Variants in NT5DC1 observed in about 807,000 individuals in gnomAD.
NT5DC1 encodes the protein 5'-nucleotidase domain containing 1.
In NT5DC1, 42 loss-of-function variants were observed where a neutral mutation model predicts 59.4. The observed-to-expected ratio is 0.71, with a 90% confidence interval of 0.55 to 0.92. The LOEUF is 0.92. NT5DC1 is among the 40% of genes least tolerant of loss of function. NT5DC1 has a pLI of 0.00. For missense variants in NT5DC1, 501 were observed against 537.1 expected, an observed-to-expected ratio of 0.93 and a Z score of 0.66; for synonymous variants, 172 against 188.1, an observed-to-expected ratio of 0.91 and a Z score of 0.70.
chr6:116,240,694 C>G (rs1771694895), intron 11 of NT5DC1, among the ~76,000 whole-genome samples: 1 of 152,080 alleles, frequency 6.6e-6, no homozygotes, highest in Non-Finnish European at 1.5e-5. Context: ...TAAAAGCAAT[C>G]AAGAGCATAA....
chr6:116,181,142 A>G (rs1376918765), intron 6 of NT5DC1, among the ~76,000 whole-genome samples: 1 of 152,068 alleles, frequency 6.6e-6, no homozygotes, highest in African/African-American at 2.4e-5. Context: ...AAGTCGAGTG[A>G]TGAGTATAGC....
At chr6:116,131,553 T>A (rs1779465926) in intron 6 of NT5DC1, among the ~76,000 whole-genome samples, 1 of 152,214 alleles carries the variant, frequency 6.6e-6, no homozygotes, top group Admixed American at 6.5e-5. Context: ...TGTGTAAAGA[T>A]GGTCTGCATT....
At chr6:116,171,294 A>G (rs1780601307) in intron 6 of NT5DC1, among the ~76,000 whole-genome samples, 1 of 152,346 alleles carries the variant, frequency 6.6e-6, no homozygotes, top group South Asian at 2.1e-4. Context: ...ATAAAATCAA[A>G]TAAATATGTG....
intron 6 of NT5DC1, among the ~76,000 whole-genome samples, chr6:116,181,061 G>T (rs1393824837): frequency 6.6e-6 from 1 of 150,966 alleles, no homozygotes; most frequent in African/African-American, 2.5e-5. Flanking sequence ...ATGGTATCTT[G>T]AATTTACTTT....
At chr6:116,243,856 A>G (rs1445301701) in intron 11 of NT5DC1, 53 bp from the exon 12 acceptor site, 1 of 682,654 alleles carries the variant, frequency 1.5e-6, no homozygotes. Flanking sequence ...TGATTTGTTT[A>G]TGAAAGGCAT....
chr6:116,113,775 A>T (rs377550188), intron 4 of NT5DC1, among the ~76,000 whole-genome samples: 1 of 152,188 alleles, frequency 6.6e-6, no homozygotes, highest in East Asian at 1.9e-4. Flanking sequence ...ACTGAATTTC[A>T]TCTATTAGTA....
In NT5DC1 at chr6:116,117,182, A is replaced by G. The variant is rs554240338; in HGVS notation, c.445-679A>G. ...GTTATATAACACATTCTGATATCCC[A>G]GAAATTATATAACACTATGAATTTG... On this transcript the variant is annotated intron_variant, in intron 5 of 11. Transcript: ENST00000319550. 7.2e-5 allele frequency among the ~76,000 whole-genome samples: 11 copies of G among 152,340 alleles called. No homozygotes were observed. The East Asian group carries it at 1.5e-3, about 21-fold the overall frequency.
chr6:116,141,505 G>A lies in NT5DC1; in HGVS notation c.529+23560G>A, dbSNP rs1417018777. ...TCCCAACTTTCCAGTGGGACTCCAAGTCATTGTATATTCAAGAAAAAACGT... is the reference window on the plus strand; with the variant it reads ...TCCCAACTTTCCAGTGGGACTCCAAATCATTGTATATTCAAGAAAAAACGT... On this transcript the variant is annotated intron_variant, in intron 6 of 11. Transcript: ENST00000319550. Among the ~76,000 whole-genome samples, 5 of 151,876 alleles carry A rather than the reference G, an allele frequency of 3.3e-5. No homozygotes were observed. In the East Asian group the frequency reaches 9.6e-4, roughly 29 times the overall value.
At chr6:116,218,747 CTT>C (rs1023081787) in intron 6 of NT5DC1, among the ~76,000 whole-genome samples, 8 of 151,988 alleles carry the variant, frequency 5.3e-5, no homozygotes, top group African/African-American at 1.9e-4. Context: ...AGAGCAAAAA[CTT>C]TGTTTTTGTT....
At chr6:116,237,428 C>T (rs757603835) in intron 9 of NT5DC1, 1 of 473,012 alleles carries the variant, frequency 2.1e-6, no homozygotes, top group South Asian at 1.5e-5. Context: ...GACATTGGTG[C>T]ATTTCTAACA....
intron 6 of NT5DC1, among the ~76,000 whole-genome samples, chr6:116,177,527 A>G (rs1215793610): frequency 2.0e-5 from 3 of 152,176 alleles, no homozygotes; most frequent in Non-Finnish European, 4.4e-5. Flanking sequence ...TAAGTACTAA[A>G]TGTAAAATAT....
chr6:116,232,935 A>G (rs1391943754), intron 8 of NT5DC1, among the ~76,000 whole-genome samples: 2 of 152,030 alleles, frequency 1.3e-5, no homozygotes, highest in Non-Finnish European at 2.9e-5. Flanking sequence ...TCTTTATCCA[A>G]CCTTCATTTG....
chr6:116,197,190 T>C (rs1039900654), intron 6 of NT5DC1, among the ~76,000 whole-genome samples: 1 of 151,908 alleles, frequency 6.6e-6, no homozygotes, highest in Non-Finnish European at 1.5e-5. Context: ...TGAAGAGGCA[T>C]GAATCTTCAT....
At position 116,223,146 on chromosome 6, in the gene NT5DC1, G is replaced by T. The variant is rs758663900; in HGVS notation, c.802+15G>T. On this transcript the variant is annotated intron_variant, in intron 8 of 11. Transcript: ENST00000319550. ...CCGGACACTCGGTAAGTTACATTTG[G>T]TTTCTTTCTTTTCCTGTATACAGTT... 6.9e-7 allele frequency: 1 copy of T among 1,440,256 alleles called. No homozygotes were observed. The highest frequency in any genetic ancestry group is 2.3e-5 in the East Asian group (1 of 43,818). The allele number at this position is 1,440,256 out of a possible 1,614,324, so 89.2% of individuals were successfully genotyped here. A position where few individuals can be genotyped will look rare whatever the true frequency, so the allele number is the denominator to read the frequency against.
intron 6 of NT5DC1, among the ~76,000 whole-genome samples, chr6:116,168,935 T>C (rs1433621643): frequency 6.6e-6 from 1 of 152,218 alleles, no homozygotes; most frequent in East Asian, 1.9e-4. Context: ...ATCTGGTTCG[T>C]ACTTCTTTCT....
chr6:116,198,212 A>G (rs1056245057), intron 6 of NT5DC1, among the ~76,000 whole-genome samples: 1 of 152,106 alleles, frequency 6.6e-6, no homozygotes. Context: ...TTTCTGGGTA[A>G]CAGCCATCTA....
At chr6:116,155,786 G>A (rs1445436685) in intron 6 of NT5DC1, among the ~76,000 whole-genome samples, 2 of 150,090 alleles carry the variant, frequency 1.3e-5, no homozygotes, top group Non-Finnish European at 3.0e-5. Context: ...GGAGGAAGTT[G>A]TGTGTGTACT....
chr6:116,139,793 G>T (rs1779718640), intron 6 of NT5DC1, among the ~76,000 whole-genome samples: 1 of 152,140 alleles, frequency 6.6e-6, no homozygotes, highest in Non-Finnish European at 1.5e-5. Flanking sequence ...TTAATATTAA[G>T]ACATCTTCAA....
chr6:116,185,387 A>G lies in NT5DC1; in HGVS notation c.530-35667A>G, dbSNP rs146955635. On this transcript the variant is annotated intron_variant, in intron 6 of 11. Transcript: ENST00000319550. Reference sequence around the variant, plus strand: ...AATATCTGTTAAGTCCATTTGTTCTAGGGTATAGTTTAAGTCCATTGTTTC... The same window carrying G: ...AATATCTGTTAAGTCCATTTGTTCTGGGGTATAGTTTAAGTCCATTGTTTC... Among the ~76,000 whole-genome samples the G allele has an allele frequency of 8.7e-3, 1,326 of 152,178 alleles. 17 individuals are homozygous for G. Among genetic ancestry groups the G allele is most frequent in the African/African-American group, 0.03 (1,267 of 41,544 alleles).
Sources: gnomAD v4.1 joint callset for allele counts (sites outside exome capture counted in the v4.1 genomes callset) on GRCh38, gnomAD v4.1.1 for gene constraint, MANE v1.5 for transcripts, NCBI Gene and HGNC (gene_info 2026-07-23, HGNC 2026-07-21) for gene names.